AXIN1: variants seen among roughly 807,000 people sequenced by gnomAD.
AXIN1 encodes axin 1, also known as axin-1.
Under a neutral mutation model 76.4 loss-of-function variants are expected in AXIN1, and 30 were observed. That is an observed-to-expected ratio of 0.39 (90% confidence interval 0.29 to 0.53). AXIN1 has a LOEUF of 0.53. AXIN1 is among the 20% of genes least tolerant of loss of function. The pLI is 0.66. For synonymous variants in AXIN1, 545 were observed against 501.4 expected (o/e 1.09, Z -1.16); for missense variants, 1,140 against 1,198.8 (o/e 0.95, Z 0.72).
chr16:317,598 T>C (rs999342357), intron 2 of AXIN1, among the ~76,000 whole-genome samples: 2 of 152,168 alleles, frequency 1.3e-5, no homozygotes, highest in African/African-American at 2.4e-5. Context: ...TCTTGGGAAA[T>C]GGGTTCTCTG....
At position 297,707 on chromosome 16, in the gene AXIN1, C is replaced by T. The variant is rs751841511; in HGVS notation, c.1784+15G>A. On this transcript the variant is annotated intron_variant, in intron 6 of 10. Transcript: ENST00000262320. ...TCACCCCAAGCCCCCTCCTCACTGA[C>T]AGGCGCACGCTCACCTGTGGGCGAG... 6.3e-7 allele frequency: 1 copy of T among 1,590,264 alleles called. No individual in the cohort carries two copies. The highest frequency in any genetic ancestry group is 8.5e-7 in the Non-Finnish European group (1 of 1,173,386).
intron 1 of AXIN1, among the ~76,000 whole-genome samples, chr16:349,105 A>AAAAT (rs1381652364): frequency 2.4e-5 from 2 of 83,040 alleles, no homozygotes; most frequent in Non-Finnish European, 5.8e-5. Flanking sequence ...CTGTCTCAAA[A>AAAAT]AAATAAAATA....
rs977355613 is a variant in AXIN1 at position 287,865 on chromosome 16, G to A, written c.*257C>T. Reference sequence around the variant, plus strand: ...CCTGAAGCTGGCAGCAGGGACCTCGGCTGCCTCACTTGGGCTGGGCCCTCC... The same window carrying A: ...CCTGAAGCTGGCAGCAGGGACCTCGACTGCCTCACTTGGGCTGGGCCCTCC... On this transcript the variant is annotated 3_prime_UTR_variant, in exon 11 of 11. Coordinates refer to ENST00000262320, the MANE Select transcript of AXIN1 (RefSeq NM_003502.4). 8.6e-6 allele frequency: 5 copies of A among 579,984 alleles called. No homozygotes were observed. The highest frequency in any genetic ancestry group is 1.2e-5 in the Non-Finnish European group (4 of 325,976). The allele number at this position is 579,984 out of a possible 1,614,324, so 35.9% of individuals were successfully genotyped here.
intron 2 of AXIN1, among the ~76,000 whole-genome samples, chr16:319,462 A>G (rs2053388796): frequency 1.3e-5 from 2 of 152,222 alleles, no homozygotes; most frequent in Non-Finnish European, 2.9e-5. Flanking sequence ...GAGCTGTGTC[A>G]TAAACAAACA....
At chr16:348,880 C>T (rs1241172061) in intron 1 of AXIN1, among the ~76,000 whole-genome samples, 2 of 151,756 alleles carry the variant, frequency 1.3e-5, no homozygotes, top group Non-Finnish European at 1.5e-5. Context: ...GGGCGGATCA[C>T]GAGGTCAAGA....
intron 3 of AXIN1, among the ~76,000 whole-genome samples, chr16:312,979 G>C (rs555058971): frequency 6.6e-6 from 1 of 152,336 alleles, no homozygotes; most frequent in South Asian, 2.1e-4. Flanking sequence ...GCGCCCAGGA[G>C]TTGGAGACTG....
intron 4 of AXIN1, among the ~76,000 whole-genome samples, chr16:305,268 A>G (rs2052987998): frequency 6.6e-6 from 1 of 152,202 alleles, no homozygotes; most frequent in Non-Finnish European, 1.5e-5. Flanking sequence ...AGAAATTAAG[A>G]GACCAGTCTG....
At chr16:298,712 T>C (rs867481199) in intron 5 of AXIN1, among the ~76,000 whole-genome samples, 4 of 152,020 alleles carry the variant, frequency 2.6e-5, no homozygotes, top group Admixed American at 6.6e-5. Context: ...ATTCTCACCA[T>C]ATTGGCCAGG....
chr16:330,424 GC>G (rs2053671222), intron 2 of AXIN1, among the ~76,000 whole-genome samples: 1 of 152,136 alleles, frequency 6.6e-6, no homozygotes, highest in Non-Finnish European at 1.5e-5. Flanking sequence ...TGAAAACTAT[GC>G]AATAATGTAC....
At chr16:310,208 G>A (rs2053139609) in intron 3 of AXIN1, 139 bp from the exon 4 acceptor site, 1 of 735,008 alleles carries the variant, frequency 1.4e-6, no homozygotes, top group Non-Finnish European at 2.4e-6. Flanking sequence ...TGAGACACGT[G>A]CACACAGGTG....
chr16:311,816 G>A (rs886076928), intron 3 of AXIN1, among the ~76,000 whole-genome samples: 16 of 152,174 alleles, frequency 1.1e-4, no homozygotes, highest in Non-Finnish European at 8.8e-5. Flanking sequence ...TCGGAAGCAC[G>A]GCAGCTCCAG....
At chr16:295,736 C>A (rs913173221) in intron 7 of AXIN1, among the ~76,000 whole-genome samples, 2 of 151,488 alleles carry the variant, frequency 1.3e-5, no homozygotes, top group African/African-American at 2.4e-5. Flanking sequence ...CCGAGGCAGG[C>A]GGATCACCAA....
chr16:296,932 G>A (rs2052725970), intron 7 of AXIN1, 124 bp downstream of exon 7: 3 of 1,215,786 alleles, frequency 2.5e-6, no homozygotes, highest in Non-Finnish European at 3.6e-6. Flanking sequence ...ACAGTGACAG[G>A]GGAAGTGTGA....
intron 2 of AXIN1, among the ~76,000 whole-genome samples, chr16:342,111 C>T (rs947967305): frequency 1.3e-5 from 2 of 152,174 alleles, no homozygotes; most frequent in African/African-American, 4.8e-5. Flanking sequence ...AGTGTGGAAG[C>T]TTTGTTCTTT....
At chr16:289,411 G>A (rs777789964) in intron 10 of AXIN1, 29 bp downstream of exon 10, 57 of 1,612,108 alleles carry the variant, frequency 3.5e-5, no homozygotes, top group Non-Finnish European at 4.7e-5. Context: ...ACTCGTGCGG[G>A]GAGGGGGCAC....
At chr16:333,434 A>AG (rs2053735472) in intron 2 of AXIN1, among the ~76,000 whole-genome samples, 1 of 149,234 alleles carries the variant, frequency 6.7e-6, no homozygotes, top group African/African-American at 2.5e-5. Context: ...GACTCGCCTC[A>AG]GAAAAAAAAA....
At chr16:343,163 G>A (rs1180874512) in intron 2 of AXIN1, among the ~76,000 whole-genome samples, 1 of 152,134 alleles carries the variant, frequency 6.6e-6, no homozygotes, top group African/African-American at 2.4e-5. Context: ...GTCAAGTTAG[G>A]ACCCAAACTG....
At chr16:318,485 A>G (rs1431138947) in intron 2 of AXIN1, among the ~76,000 whole-genome samples, 3 of 152,310 alleles carry the variant, frequency 2.0e-5, no homozygotes, top group South Asian at 2.1e-4. Context: ...ATCTGCCCTC[A>G]GCACTCAGAT....
Position 346,367 on chromosome 16 carries a change from A to T in AXIN1, c.659T>A (p.Val220Asp), listed in dbSNP as rs1246646875. ...TGACCCAGAGCTCTGGTCACTACAG[A>T]CTTTGGGGCTCTCCGAGCCTGTCCT... is the stretch of plus-strand genomic sequence containing the variant. Reference protein sequence around the residue: ...YTRTGSESPKVCSDQSSGSGT... With the variant: ...YTRTGSESPKDCSDQSSGSGT... The change falls in exon 2 of 11, where the codon GTC becomes GAC. Residue 220 changes from valine to aspartate, a missense_variant. By Grantham distance (152) the Val-to-Asp change is radical. This residue lies in a region of AXIN1 where 708 missense variants were observed against 776.9 expected (regional missense o/e 0.91). Coordinates refer to ENST00000262320, the MANE Select transcript of AXIN1 (RefSeq NM_003502.4). 1 of 1,614,180 alleles carries T rather than the reference A, an allele frequency of 6.2e-7. No individual in the cohort carries two copies. The highest frequency in any genetic ancestry group is 1.7e-5 in the Admixed American group (1 of 60,024).
Sources: allele counts gnomAD v4.1 joint callset (sites outside exome capture counted in the v4.1 genomes callset), GRCh38; gene constraint gnomAD v4.1.1; regional missense constraint gnomAD v4.1.1; transcripts MANE v1.5; gene names NCBI Gene and HGNC (gene_info 2026-07-23, HGNC 2026-07-21).